DACH1: variants seen among roughly 807,000 people sequenced by gnomAD.
The protein encoded by DACH1 is dachshund homolog 1.
A neutral mutation model predicts 54.2 loss-of-function variants in DACH1; 12 were observed. That is an observed-to-expected ratio of 0.22 (90% CI 0.14 to 0.36). DACH1 has a LOEUF of 0.36. DACH1 is among the 10% of genes least tolerant of loss of function. The pLI is 1.00. For missense variants in DACH1, 805 were observed against 929.8 expected (o/e 0.87, Z 1.75); for synonymous variants, 386 against 366.2 (o/e 1.05, Z -0.62).
At chr13:71,784,566 T>G (rs1247006106) in intron 1 of DACH1, among the ~76,000 whole-genome samples, 1 of 152,032 alleles carries the variant, frequency 6.6e-6, no homozygotes, top group Admixed American at 6.6e-5. Flanking sequence ...ATCTATCACT[T>G]TTTACTCCTC....
chr13:71,769,757 A>T (rs1176737996), intron 1 of DACH1, among the ~76,000 whole-genome samples: 1 of 151,710 alleles, frequency 6.6e-6, no homozygotes, highest in Admixed American at 6.6e-5. Flanking sequence ...ACAATAAATG[A>T]TAATCTCATA....
At chr13:71,773,608 C>T (rs1885947630) in intron 1 of DACH1, among the ~76,000 whole-genome samples, 1 of 151,928 alleles carries the variant, frequency 6.6e-6, no homozygotes, top group Non-Finnish European at 1.5e-5. Context: ...GTACTTTCAA[C>T]CATTATTTAA....
At chr13:71,550,907 T>C (rs1883770895) in intron 6 of DACH1, among the ~76,000 whole-genome samples, 1 of 152,084 alleles carries the variant, frequency 6.6e-6, no homozygotes, top group Non-Finnish European at 1.5e-5. Flanking sequence ...AAAAGATATA[T>C]TTAGATGGTA....
chr13:71,789,072 G>A (rs188887766), intron 1 of DACH1, among the ~76,000 whole-genome samples: 1 of 152,246 alleles, frequency 6.6e-6, no homozygotes, highest in East Asian at 1.9e-4. Flanking sequence ...TAATCAGTCT[G>A]TATTCAGTTC....
In DACH1 at chr13:71,704,692, C is replaced by T. The variant is rs530148750; in HGVS notation, c.849-22782G>A. 4.8e-4 allele frequency: 103 copies of T among 215,614 alleles called. No homozygotes were observed. The South Asian group carries it at 9.1e-3, about 19-fold the overall frequency. The allele number at this position is 215,614 out of a possible 1,614,324, so 13.4% of individuals were successfully genotyped here. On this transcript the variant is annotated intron_variant, in intron 1 of 10. Coordinates refer to ENST00000613252, the MANE Select transcript of DACH1 (RefSeq NM_080759.6). ...AAAATAAAAATAAAAGATCTCTGGA[C>T]TGTGAAAATGTTTCTCTTTATTGAG...
intron 2 of DACH1, among the ~76,000 whole-genome samples, chr13:71,649,617 GA>G (rs1340475804): frequency 1.2e-4 from 19 of 152,202 alleles, no homozygotes; most frequent in Admixed American, 7.9e-4. Flanking sequence ...ACACCATATA[GA>G]AACTAATTTT....
chr13:71,662,117 G>C (rs1879536488), intron 2 of DACH1, among the ~76,000 whole-genome samples: 1 of 151,902 alleles, frequency 6.6e-6, no homozygotes, highest in African/African-American at 2.4e-5. Context: ...AGCAAACAAG[G>C]CTGCTGCCAA....
chr13:71,865,491 C>T (rs1033873134), intron 1 of DACH1, among the ~76,000 whole-genome samples: 8 of 152,278 alleles, frequency 5.3e-5, no homozygotes, highest in South Asian at 4.1e-4. Flanking sequence ...CTGTCGGTGC[C>T]GGGAGGCTGG....
At chr13:71,696,099 A>G (rs140512010) in intron 1 of DACH1, among the ~76,000 whole-genome samples, 22 of 152,282 alleles carry the variant, frequency 1.4e-4, no homozygotes, top group Non-Finnish European at 2.4e-4. Context: ...AGGGATGCCA[A>G]TCTGGGCTAT....
intron 1 of DACH1, among the ~76,000 whole-genome samples, chr13:71,686,572 T>G (rs1280853466): frequency 6.6e-6 from 1 of 152,194 alleles, no homozygotes; most frequent in African/African-American, 2.4e-5. Context: ...AATAAGAAGC[T>G]TAGTGCAAAA....
intron 1 of DACH1, among the ~76,000 whole-genome samples, chr13:71,694,332 C>T (rs1311787418): frequency 6.8e-6 from 1 of 147,784 alleles, no homozygotes; most frequent in Non-Finnish European, 1.5e-5. Flanking sequence ...CTCCTGACAA[C>T]TTTTTGATGC....
At chr13:71,659,111 G>T (rs906841963) in intron 2 of DACH1, among the ~76,000 whole-genome samples, 4 of 151,976 alleles carry the variant, frequency 2.6e-5, no homozygotes, top group Non-Finnish European at 4.4e-5. Context: ...AGAAAACAAA[G>T]TACACATTTA....
chr13:71,474,681 C>T (rs371883968), intron 10 of DACH1, among the ~76,000 whole-genome samples: 4 of 152,192 alleles, frequency 2.6e-5, no homozygotes, highest in South Asian at 4.1e-4. Flanking sequence ...ACTAAACAGT[C>T]TTATTTATTG....
intron 3 of DACH1, chr13:71,573,333 T>C: frequency 1.5e-6 from 1 of 680,126 alleles, no homozygotes; most frequent in Non-Finnish European, 2.7e-6. Context: ...ATATAGTATA[T>C]CTCTTTATTA....
At chr13:71,816,618 ACGTG>A (rs1887948890) in intron 1 of DACH1, among the ~76,000 whole-genome samples, 1 of 89,154 alleles carries the variant, frequency 1.1e-5, no homozygotes, top group African/African-American at 3.7e-5. Context: ...ATATATATAC[ACGTG>A]TATATATACA....
intron 1 of DACH1, among the ~76,000 whole-genome samples, chr13:71,793,137 G>A (rs1886903632): frequency 6.6e-6 from 1 of 152,126 alleles, no homozygotes. Flanking sequence ...TGGTTAACTT[G>A]TTCCAAAAGT....
intron 1 of DACH1, among the ~76,000 whole-genome samples, chr13:71,687,054 T>G (rs1365750706): frequency 6.6e-6 from 1 of 152,088 alleles, no homozygotes; most frequent in East Asian, 1.9e-4. Flanking sequence ...AAACAAGCAT[T>G]TACGAGTGAA....
At chr13:71,771,154 A>T (rs529593889) in intron 1 of DACH1, among the ~76,000 whole-genome samples, 9 of 151,504 alleles carry the variant, frequency 5.9e-5, no homozygotes, top group Admixed American at 5.3e-4. Flanking sequence ...TTACATAGAA[A>T]ATAAAGTTTT....
At chr13:71,531,765 C>A (rs983073940) in intron 6 of DACH1, among the ~76,000 whole-genome samples, 2 of 151,840 alleles carry the variant, frequency 1.3e-5, no homozygotes, top group South Asian at 2.1e-4. Flanking sequence ...TGTTTGTTTT[C>A]GGAAGTGTTG....
Sources: gnomAD v4.1 joint callset for allele counts (sites outside exome capture counted in the v4.1 genomes callset) on GRCh38, gnomAD v4.1.1 for gene constraint, MANE v1.5 for transcripts, NCBI Gene and HGNC (gene_info 2026-07-23, HGNC 2026-07-21) for gene names.